Variants in ZNF385D observed in about 807,000 individuals in gnomAD.
ZNF385D encodes zinc finger protein 385D.
Under a neutral mutation model 35.8 loss-of-function variants are expected in ZNF385D, and 15 were observed. That is an observed-to-expected ratio of 0.42 (90% CI 0.28 to 0.64). The LOEUF is 0.64. ZNF385D is among the 30% of genes least tolerant of loss of function. The pLI, the probability that ZNF385D is intolerant of heterozygous loss-of-function variation, is 0.23. For missense variants in ZNF385D, 474 were observed against 494.6 expected, an observed-to-expected ratio of 0.96 and a Z score of 0.39; for synonymous variants, 212 against 186.8, an observed-to-expected ratio of 1.13 and a Z score of -1.10.
intron 3 of ZNF385D, among the ~76,000 whole-genome samples, chr3:21,950,375 A>G (rs1036451513): frequency 5.3e-5 from 8 of 151,920 alleles, no homozygotes; most frequent in African/African-American, 1.9e-4. Flanking sequence ...ATCTCTTCAT[A>G]TCCGTTGCCC....
chr3:22,111,799 G>C (rs1702550817), intron 3 of ZNF385D, among the ~76,000 whole-genome samples: 1 of 152,010 alleles, frequency 6.6e-6, no homozygotes, highest in Admixed American at 6.6e-5. Flanking sequence ...GTGAAACCCT[G>C]AACAGTGAAA....
chr3:22,002,087 C>A (rs1057160703), intron 3 of ZNF385D, among the ~76,000 whole-genome samples: 2 of 148,170 alleles, frequency 1.3e-5, no homozygotes, highest in Non-Finnish European at 3.0e-5. Flanking sequence ...ATAAATAATA[C>A]AAATTAGAGC....
chr3:22,118,246 AGT>A (rs1702908000), intron 3 of ZNF385D, among the ~76,000 whole-genome samples: 1 of 152,118 alleles, frequency 6.6e-6, no homozygotes, highest in Non-Finnish European at 1.5e-5. Flanking sequence ...CCCTGAGTTT[AGT>A]AGTCTCAGGT....
intron 2 of ZNF385D, among the ~76,000 whole-genome samples, chr3:22,238,041 A>G (rs1190291813): frequency 1.3e-5 from 2 of 151,132 alleles, no homozygotes; most frequent in African/African-American, 4.9e-5. Flanking sequence ...TTGTCCCAGT[A>G]CCATTGAATG....
chr3:22,296,535 G>A (rs935029049), intron 2 of ZNF385D, among the ~76,000 whole-genome samples: 3 of 152,102 alleles, frequency 2.0e-5, no homozygotes, highest in Non-Finnish European at 4.4e-5. Context: ...AGACCATGAC[G>A]AAGATTTGGC....
intron 4 of ZNF385D, among the ~76,000 whole-genome samples, chr3:21,480,349 C>T (rs377449339): frequency 2.6e-5 from 4 of 152,044 alleles, no homozygotes; most frequent in East Asian, 3.9e-4. Context: ...GTTATCCATT[C>T]GCTTCAGCCT....
intron 2 of ZNF385D, among the ~76,000 whole-genome samples, chr3:22,195,304 T>C (rs1388393389): frequency 6.6e-6 from 1 of 151,970 alleles, no homozygotes; most frequent in Non-Finnish European, 1.5e-5. Context: ...ATACATATAT[T>C]CTCTTTGCTG....
chr3:21,739,334 C>T (rs778993365), intron 1 of ZNF385D, among the ~76,000 whole-genome samples: 30 of 152,168 alleles, frequency 2.0e-4, no homozygotes, highest in Non-Finnish European at 1.6e-4. Context: ...TTTCTCTCCA[C>T]GGACATTTTT....
At chr3:22,035,302 G>C (rs1167905062) in intron 3 of ZNF385D, among the ~76,000 whole-genome samples, 1 of 152,144 alleles carries the variant, frequency 6.6e-6, no homozygotes, top group Admixed American at 6.6e-5. Flanking sequence ...GAGAAACAGG[G>C]CTGGACAGTC....
chr3:22,196,490 T>G (rs927470720), intron 2 of ZNF385D, among the ~76,000 whole-genome samples: 2 of 152,144 alleles, frequency 1.3e-5, no homozygotes, highest in African/African-American at 2.4e-5. Flanking sequence ...TTCTTTCTCT[T>G]GCATTTTGAC....
intron 3 of ZNF385D, among the ~76,000 whole-genome samples, chr3:21,512,938 T>C (rs143975679): frequency 2.7e-4 from 41 of 152,316 alleles, no homozygotes; most frequent in African/African-American, 7.0e-4. Context: ...GTTTCTCTTC[T>C]CTTTGCAAGT....
Position 21,911,489 on chromosome 3 carries a change from T to A in ZNF385D, c.326-246461A>T, listed in dbSNP as rs1162130614. ...GACTCTAGGTAAGTTATACAAATTC[T>A]AAAGGTTTTTTATTTGTATTATGGC... On this transcript the variant is annotated intron_variant, in intron 3 of 5. Transcript: ENST00000494108. Among the ~76,000 whole-genome samples, 4 of 151,978 alleles carry A rather than the reference T, an allele frequency of 2.6e-5. No individual in the cohort carries two copies. The East Asian group carries it at 5.8e-4, about 22-fold the overall frequency.
At chr3:21,536,661 C>A (rs1048194678) in intron 3 of ZNF385D, among the ~76,000 whole-genome samples, 1 of 151,890 alleles carries the variant, frequency 6.6e-6, no homozygotes, top group Non-Finnish European at 1.5e-5. Context: ...AAAATTTTTG[C>A]CCTTATAGAG....
intron 3 of ZNF385D, among the ~76,000 whole-genome samples, chr3:21,998,079 A>T (rs566334943): frequency 6.6e-6 from 1 of 152,184 alleles, no homozygotes; most frequent in East Asian, 1.9e-4. Context: ...TGCCACTCCC[A>T]CCAGTGCCAT....
chr3:22,313,170 G>A (rs894225009), intron 2 of ZNF385D, among the ~76,000 whole-genome samples: 1 of 150,172 alleles, frequency 6.7e-6, no homozygotes, highest in African/African-American at 2.4e-5. Context: ...AACACCACAT[G>A]TTCTCACTCA....
chr3:21,862,360 G>A (rs139040118), intron 3 of ZNF385D, among the ~76,000 whole-genome samples: 1 of 150,392 alleles, frequency 6.6e-6, no homozygotes, highest in Non-Finnish European at 1.5e-5. Context: ...TTGAAACTGA[G>A]AACATACTCA....
chr3:22,186,442 A>T (rs1364909403), intron 2 of ZNF385D, among the ~76,000 whole-genome samples: 7 of 152,178 alleles, frequency 4.6e-5, no homozygotes, highest in Admixed American at 4.6e-4. Context: ...CAGTGGAGAT[A>T]AGTCTTGTAG....
chr3:21,749,556 G>A (rs2069956319), intron 1 of ZNF385D, among the ~76,000 whole-genome samples: 1 of 152,114 alleles, frequency 6.6e-6, no homozygotes, highest in African/African-American at 2.4e-5. Context: ...CTCTGTTAGT[G>A]GCCAATAAAC....
Position 22,154,562 on chromosome 3 carries a change from T to A in ZNF385D, c.325+14255A>T, listed in dbSNP as rs560208172. ...CTTTGCACAAATTCACCATACAAAG[T>A]GGAATAGTCCTGGAGTCCTAAATGA... On this transcript the variant is annotated intron_variant, in intron 3 of 5. Transcript: ENST00000494108. 6.6e-5 allele frequency among the ~76,000 whole-genome samples: 10 copies of A among 152,256 alleles called. No homozygotes were observed. In the South Asian group the frequency reaches 2.1e-3, roughly 32 times the overall value.
Sources: gnomAD v4.1 joint callset for allele counts (sites outside exome capture counted in the v4.1 genomes callset) on GRCh38, gnomAD v4.1.1 for gene constraint, MANE v1.5 for transcripts, NCBI Gene and HGNC (gene_info 2026-07-23, HGNC 2026-07-21) for gene names.